RNF150: variants seen among roughly 807,000 people sequenced by gnomAD.
RNF150 encodes the protein ring finger protein 150.
Under a neutral mutation model 39.3 loss-of-function variants are expected in RNF150, and 24 were observed. The observed-to-expected ratio is 0.61, with a 90% confidence interval of 0.44 to 0.86. The LOEUF (loss-of-function observed/expected upper bound fraction) is 0.86, where lower values mean the gene tolerates loss of function less well. Ranked by LOEUF, RNF150 falls within the 40% of genes least tolerant of loss-of-function variation. The probability of loss-of-function intolerance (pLI) is 0.00; values close to 1 mark genes in which losing one functional copy is unlikely to be tolerated. For missense variants in RNF150, 502 were observed against 587.8 expected (o/e 0.85, Z 1.51); for synonymous variants, 255 against 227.3 (o/e 1.12, Z -1.10).
In RNF150 at chr4:140,885,435, C is replaced by CTT. The variant is rs1309319458; in HGVS notation, c.1199-17058_1199-17057dup. Among the ~76,000 whole-genome samples the CTT allele has an allele frequency of 2.7e-3, 309 of 114,370 alleles. 7 individuals are homozygous for CTT. Among genetic ancestry groups the CTT allele is most frequent in the African/African-American group, 8.6e-3 (230 of 26,722 alleles). 75.0% of individuals were successfully genotyped at this position (114,370 alleles called of 152,430 possible). A position where few individuals can be genotyped will look rare whatever the true frequency, so the allele number is the denominator to read the frequency against. On this transcript the variant is annotated intron_variant, in intron 6 of 6. Transcript: ENST00000515673. The stretch of plus-strand genomic sequence containing the variant: ...ATATTTTATATATATGTACATATAT[C>CTT]TTTTTTTTTTTTTTTTTTGAGACGG...
At chr4:141,086,884 CTT>C (rs1161869472) in intron 1 of RNF150, among the ~76,000 whole-genome samples, 2 of 151,842 alleles carry the variant, frequency 1.3e-5, no homozygotes, top group African/African-American at 4.8e-5. Flanking sequence ...GAAACCTTTC[CTT>C]TTCTTTCTCT....
chr4:140,897,112 A>T (rs113023547), intron 6 of RNF150, among the ~76,000 whole-genome samples: 9 of 152,342 alleles, frequency 5.9e-5, no homozygotes, highest in African/African-American at 2.2e-4. Flanking sequence ...CCAAGGATCA[A>T]GCACACACAA....
At chr4:140,875,376 G>A (rs1318565123) in intron 6 of RNF150, among the ~76,000 whole-genome samples, 3 of 151,916 alleles carry the variant, frequency 2.0e-5, no homozygotes, top group African/African-American at 4.8e-5. Context: ...GGAGTCTCAC[G>A]ATGTTGCCCA....
intron 6 of RNF150, among the ~76,000 whole-genome samples, chr4:140,908,909 C>T (rs1267888240): frequency 1.3e-5 from 2 of 152,112 alleles, no homozygotes; most frequent in East Asian, 3.8e-4. Flanking sequence ...TCTTGAAAAC[C>T]AAATGGTCAT....
chr4:141,047,896 G>C (rs1736636378), intron 1 of RNF150, among the ~76,000 whole-genome samples: 1 of 152,066 alleles, frequency 6.6e-6, no homozygotes, highest in African/African-American at 2.4e-5. Context: ...GTTATCACCT[G>C]CAATGAAGAA....
At chr4:141,184,385 G>A (rs1039973204) in intron 1 of RNF150, among the ~76,000 whole-genome samples, 11 of 152,072 alleles carry the variant, frequency 7.2e-5, no homozygotes, top group African/African-American at 2.2e-4. Flanking sequence ...TAAGTTCTTC[G>A]TAGATTCTGG....
intron 6 of RNF150, among the ~76,000 whole-genome samples, chr4:140,902,056 C>T (rs532647582): frequency 1.3e-5 from 2 of 152,186 alleles, no homozygotes; most frequent in South Asian, 4.2e-4. Flanking sequence ...ATGTTTGGAG[C>T]AAAACACTGA....
chr4:141,046,149 C>T (rs764452120), intron 1 of RNF150, among the ~76,000 whole-genome samples: 1 of 151,946 alleles, frequency 6.6e-6, no homozygotes, highest in Admixed American at 6.6e-5. Flanking sequence ...ATTATGATCC[C>T]GAGATAAGAT....
chr4:141,088,072 C>A (rs575285725), intron 1 of RNF150, among the ~76,000 whole-genome samples: 34 of 152,240 alleles, frequency 2.2e-4, no homozygotes, highest in African/African-American at 6.7e-4. Context: ...AAACTATAGA[C>A]AAATTAATTA....
At chr4:141,030,353 G>C (rs975846727) in intron 1 of RNF150, among the ~76,000 whole-genome samples, 2 of 152,038 alleles carry the variant, frequency 1.3e-5, no homozygotes, top group East Asian at 3.9e-4. Context: ...ACTGTTGATG[G>C]AAATATAAAT....
At position 141,072,787 on chromosome 4, in the gene RNF150, C is replaced by A. The variant is rs113355568; in HGVS notation, c.484+59538G>T. On this transcript the variant is annotated intron_variant, in intron 1 of 6. Transcript: ENST00000515673. ...TTGATGCACCACTATAATTTATTAA[C>A]AGAATAGCATCATATTCAGTCTGGC... 2.2e-3 allele frequency among the ~76,000 whole-genome samples: 341 copies of A among 152,252 alleles called. 3 individuals are homozygous for A. Among genetic ancestry groups the A allele is most frequent in the African/African-American group, 7.9e-3 (330 of 41,558 alleles).
At chr4:141,160,018 A>C (rs1335160220) in intron 1 of RNF150, among the ~76,000 whole-genome samples, 1 of 152,104 alleles carries the variant, frequency 6.6e-6, no homozygotes, top group Non-Finnish European at 1.5e-5. Flanking sequence ...TGATTCTAGA[A>C]GCTCTGCCCC....
chr4:141,145,918 A>T (rs9654251), intron 1 of RNF150, among the ~76,000 whole-genome samples: 5,558 of 152,258 alleles, frequency 0.037, 356 homozygotes, highest in African/African-American at 0.13. Context: ...GTCAGGACAG[A>T]TATAGCATCA....
In RNF150 at chr4:140,946,540, G is replaced by T. The variant is rs72935374; in HGVS notation, c.890+1114C>A. 9.7e-3 allele frequency among the ~76,000 whole-genome samples: 1,479 copies of T among 152,170 alleles called. 26 individuals are homozygous for T. The highest frequency in any genetic ancestry group is 0.034 in the African/African-American group (1,420 of 41,514). Reference sequence around the variant, plus strand: ...AGTGCGGTGGTGTGATCACTGGAGTGTAGTGGCATGATCATTGCTCAGTAT... The same window carrying T: ...AGTGCGGTGGTGTGATCACTGGAGTTTAGTGGCATGATCATTGCTCAGTAT... On this transcript the variant is annotated intron_variant, in intron 4 of 6. Transcript: ENST00000515673.
chr4:141,128,967 A>G (rs1484092945), intron 1 of RNF150, among the ~76,000 whole-genome samples: 1 of 152,210 alleles, frequency 6.6e-6, no homozygotes, highest in African/African-American at 2.4e-5. Context: ...AAAAGATAGT[A>G]ACAAATGTTG....
chr4:140,868,416 G>C, intron 6 of RNF150, 37 bp from the exon 7 acceptor site: 1 of 1,125,162 alleles, frequency 8.9e-7, no homozygotes, highest in African/African-American at 1.5e-5. Flanking sequence ...TGAACACCGA[G>C]CTATGTCTTT....
At chr4:140,903,697 G>T (rs1184626349) in intron 6 of RNF150, among the ~76,000 whole-genome samples, 2 of 152,166 alleles carry the variant, frequency 1.3e-5, no homozygotes, top group Non-Finnish European at 2.9e-5. Flanking sequence ...AATTGGAGAT[G>T]GTGCTATCAA....
intron 1 of RNF150, among the ~76,000 whole-genome samples, chr4:141,020,103 T>TA (rs1019320929): frequency 5.8e-4 from 33 of 57,162 alleles, no homozygotes; most frequent in Middle Eastern, 6.6e-3. Flanking sequence ...TGGTTTGATA[T>TA]TTTTTTTTTC....
intron 1 of RNF150, among the ~76,000 whole-genome samples, chr4:141,109,063 C>T (rs1040500269): frequency 3.3e-5 from 5 of 152,148 alleles, no homozygotes; most frequent in Non-Finnish European, 4.4e-5. Flanking sequence ...CATGTTAACG[C>T]TCAGAACACA....
Sources: allele counts gnomAD v4.1 joint callset (sites outside exome capture counted in the v4.1 genomes callset), GRCh38; gene constraint gnomAD v4.1.1; transcripts MANE v1.5; gene names NCBI Gene and HGNC (gene_info 2026-07-23, HGNC 2026-07-21).